The following FASTKD3 variants were observed in gnomAD, a reference collection of about 807,000 sequenced individuals.
FASTKD3 encodes FAST kinase domain-containing protein 3, mitochondrial.
Under a neutral mutation model 49.7 loss-of-function variants are expected in FASTKD3, and 47 were observed. The observed-to-expected ratio is 0.95, with a 90% CI of 0.75 to 1.21. FASTKD3 has a LOEUF of 1.21. FASTKD3 is among the 50% of genes most tolerant of loss of function. The pLI is 0.00. For synonymous variants in FASTKD3, 284 were observed against 288.6 expected (o/e 0.98, Z 0.16); for missense variants, 748 against 765.7 (o/e 0.98, Z 0.27).
rs1452267426 is a variant in FASTKD3, at chr5:7,867,001, C to T, written c.1083G>A (p.Ala361=). The T allele has an allele frequency of 3.7e-6, 6 of 1,613,998 alleles. No individual in the cohort carries two copies. The highest frequency in any genetic ancestry group is 3.3e-5 in the Admixed American group (2 of 60,010). ...FTKALEHRVA[A]VCLTLDPEVV... Reference sequence around the variant, plus strand: ...CTTCAGGATCCAACGTGAGGCACACCGCAGCTACACGATGCTCTAGGGCTT... The same window carrying T: ...CTTCAGGATCCAACGTGAGGCACACTGCAGCTACACGATGCTCTAGGGCTT... The change falls in exon 2 of 7, where the codon GCG becomes GCA. Residue 361 remains alanine, a synonymous_variant. Transcript: ENST00000264669.
intron 6 of FASTKD3, among the ~76,000 whole-genome samples, chr5:7,860,308 G>A (rs1043979385): frequency 6.6e-6 from 1 of 152,176 alleles, no homozygotes; most frequent in Non-Finnish European, 1.5e-5. Context: ...CTCACGCACT[G>A]CTGAGCCCTC....
At chr5:7,860,123 TTTTAC>T (rs1261232575) in intron 6 of FASTKD3, among the ~76,000 whole-genome samples, 2 of 152,126 alleles carry the variant, frequency 1.3e-5, no homozygotes, top group Admixed American at 1.3e-4. Flanking sequence ...GTAGAGAAGT[TTTTAC>T]TTTATTCTGT....
At chr5:7,860,889 T>C (rs1247450536) in intron 6 of FASTKD3, among the ~76,000 whole-genome samples, 4 of 152,212 alleles carry the variant, frequency 2.6e-5, no homozygotes, top group Non-Finnish European at 4.4e-5. Flanking sequence ...TTCCACAGAA[T>C]AGTTCAAACA....
In FASTKD3 at chr5:7,862,807, T is replaced by G; in HGVS notation, c.1699+16A>C. ...ATGCTTAGGTTTAAAACAACAAAAC[T>G]CCTTATACTACTTACCTATTGTATA... On this transcript the variant is annotated intron_variant, in intron 4 of 6. Coordinates refer to ENST00000264669, the MANE Select transcript of FASTKD3 (RefSeq NM_024091.4). 3 of 1,595,598 alleles carry G rather than the reference T, an allele frequency of 1.9e-6. No individual in the cohort carries two copies. The highest frequency in any genetic ancestry group is 2.6e-6 in the Non-Finnish European group (3 of 1,169,936).
At chr5:7,859,564 G>T in intron 6 of FASTKD3, 25 bp from the exon 7 acceptor site, 1 of 1,442,032 alleles carries the variant, frequency 6.9e-7, no homozygotes, top group Non-Finnish European at 9.6e-7. Context: ...AAGTAAAACT[G>T]GTCAAGATCC....
chr5:7,860,080 G>A (rs531117211), intron 6 of FASTKD3, among the ~76,000 whole-genome samples: 31 of 152,162 alleles, frequency 2.0e-4, no homozygotes, highest in Non-Finnish European at 4.4e-4. Flanking sequence ...CCTGGCTGCA[G>A]GCCAACCATT....
rs1747176029 is a variant in FASTKD3 at position 7,868,157 on chromosome 5, T to C, written c.-74A>G. On this transcript the variant is annotated 5_prime_UTR_variant, in exon 2 of 7. Transcript: ENST00000264669. ...ATGGTTAAATACATTGAGAACATGATTGACCCAACATCAATGTTTATGAAA... is the reference window on the plus strand; with the variant it reads ...ATGGTTAAATACATTGAGAACATGACTGACCCAACATCAATGTTTATGAAA... 10 of 844,124 alleles carry C rather than the reference T, an allele frequency of 1.2e-5. No individual in the cohort carries two copies. The highest frequency in any genetic ancestry group is 1.7e-5 in the Non-Finnish European group (10 of 571,586). The allele number at this position is 844,124 out of a possible 1,614,324, so 52.3% of individuals were successfully genotyped here. A position where few individuals can be genotyped will look rare whatever the true frequency, so the allele number is the denominator to read the frequency against.
Position 7,859,389 on chromosome 5 carries a change from CATAAAAAT to C in FASTKD3, c.*38_*45del. On this transcript the variant is annotated 3_prime_UTR_variant, in exon 7 of 7. Transcript: ENST00000264669. ...ATATTTTTCTTTTAATACTGAGTTC[CATAAAAAT>C]GCAAGTTCTTCCATTGTTTGAGTTC... The C allele has an allele frequency of 1.6e-6, 2 of 1,238,596 alleles. No homozygotes were observed. Among genetic ancestry groups the C allele is most frequent in the Non-Finnish European group, 1.2e-6 (1 of 865,230 alleles). The allele number at this position is 1,238,596 out of a possible 1,614,324, so 76.7% of individuals were successfully genotyped here.
intron 3 of FASTKD3, among the ~76,000 whole-genome samples, chr5:7,865,052 C>G (rs909767960): frequency 6.6e-6 from 1 of 151,984 alleles, no homozygotes; most frequent in African/African-American, 2.4e-5. Context: ...ATGCACTGGC[C>G]TCGAGGGATG....
chr5:7,863,155 T>G, intron 3 of FASTKD3, 158 bp from the exon 4 acceptor site: 1 of 659,688 alleles, frequency 1.5e-6, no homozygotes, highest in East Asian at 2.7e-5. Context: ...AAAATGATAA[T>G]GCAAACTTCT....
chr5:7,869,014 G>C lies in FASTKD3; in HGVS notation c.-149C>G. On this transcript the variant is annotated 5_prime_UTR_variant, in exon 1 of 7. Coordinates refer to ENST00000264669, the MANE Select transcript of FASTKD3 (RefSeq NM_024091.4). The stretch of plus-strand genomic sequence containing the variant: ...CGGGCAATCACTCCGGGTGGTCGCG[G>C]AAGCGCCTGGGCGTCGTGGGCCTCC... 8.2e-7 allele frequency: 1 copy of C among 1,226,746 alleles called. No individual in the cohort carries two copies. The highest frequency in any genetic ancestry group is 2.3e-5 in the East Asian group (1 of 42,926). The allele number at this position is 1,226,746 out of a possible 1,614,324, so 76.0% of individuals were successfully genotyped here.
chr5:7,865,337 A>C (rs1412667150), intron 3 of FASTKD3, among the ~76,000 whole-genome samples: 3 of 152,144 alleles, frequency 2.0e-5, no homozygotes, highest in Non-Finnish European at 2.9e-5. Context: ...TATGATTCAG[A>C]GTCAAGTAGA....
chr5:7,867,333 ATGT>A lies in FASTKD3; in HGVS notation c.748_750del (p.Thr250del). 1.9e-6 allele frequency: 3 copies of A among 1,614,036 alleles called. No individual in the cohort carries two copies. The highest frequency in any genetic ancestry group is 2.5e-6 in the Non-Finnish European group (3 of 1,180,024). On this transcript the variant is annotated inframe_deletion, in exon 2 of 7. Coordinates refer to ENST00000264669, the MANE Select transcript of FASTKD3 (RefSeq NM_024091.4). The stretch of plus-strand genomic sequence containing the variant: ...AGGGCCACAATATCCTCCGGGGTAA[ATGT>A]TTCCAATTTTTCACCTTGAAGTTGA...
intron 4 of FASTKD3, among the ~76,000 whole-genome samples, chr5:7,862,268 T>C (rs11134265): frequency 0.53 from 81,224 of 151,938 alleles, 23,606 homozygotes; most frequent in Middle Eastern, 0.66. Context: ...TGGAGTCTCT[T>C]GTCAGTGCTG....
Position 7,864,945 on chromosome 5 carries a change from G to A in FASTKD3, c.1524+953C>T, listed in dbSNP as rs1443972108. Among the ~76,000 whole-genome samples the A allele has an allele frequency of 2.6e-5, 4 of 152,034 alleles. No individual in the cohort carries two copies. The East Asian group carries it at 5.8e-4, about 22-fold the overall frequency. The stretch of plus-strand genomic sequence containing the variant: ...CAAGAATGTTTATTATAGCATTCCC[G>A]ATAGAGACAAAAGTTGCAAAAACCT... On this transcript the variant is annotated intron_variant, in intron 3 of 6. Transcript: ENST00000264669.
At position 7,867,832 on chromosome 5, in the gene FASTKD3, T is replaced by C. The variant is rs1012411193; in HGVS notation, c.252A>G (p.Val84=). 5.0e-6 allele frequency: 8 copies of C among 1,614,080 alleles called. No individual in the cohort carries two copies. In the African/African-American group the frequency reaches 9.3e-5, roughly 19 times the overall value. ...TTTGTTCAAGCCTGTCGCAGTCAGATACTTGAGAGAACACTGGTCCACCGA... is the reference window on the plus strand; with the variant it reads ...TTTGTTCAAGCCTGTCGCAGTCAGACACTTGAGAGAACACTGGTCCACCGA... ...HPLGGPVFSQ[V]SDCDRLEQNV... Residue 84 remains valine (V), a synonymous_variant, in exon 2 of 7, where the codon GTA becomes GTG. Transcript: ENST00000264669.
At chr5:7,863,243 G>A (rs953855345) in intron 3 of FASTKD3, 17 of 444,208 alleles carry the variant, frequency 3.8e-5, no homozygotes, top group Non-Finnish European at 6.8e-5. Context: ...ACCATAAACA[G>A]AAAGAAAAGT....
At position 7,862,950 on chromosome 5, in the gene FASTKD3, T is replaced by C. The variant is rs912224398; in HGVS notation, c.1572A>G (p.Pro524=). The C allele has an allele frequency of 6.9e-5, 112 of 1,613,910 alleles. No homozygotes were observed. The highest frequency in any genetic ancestry group is 9.3e-5 in the Non-Finnish European group (110 of 1,179,950). ...CCACAGGGGTCTCCAGGGAACAGCA[T>C]GGGGTAAGAAATGACTTCACTTGAT... The part of the protein sequence containing the change: ...PKYQVKSFLT[P]CCSLETPVDS... The change falls in exon 4 of 7, where the codon CCA becomes CCG. Residue 524 remains proline (P), a synonymous_variant. Coordinates refer to ENST00000264669, the MANE Select transcript of FASTKD3 (RefSeq NM_024091.4).
chr5:7,868,699 A>G (rs1337978376), intron 1 of FASTKD3, among the ~76,000 whole-genome samples: 4 of 152,348 alleles, frequency 2.6e-5, no homozygotes, highest in African/African-American at 9.6e-5. Context: ...AGAAAAAGCA[A>G]AACATAGATC....
Sources: gnomAD v4.1 joint callset for allele counts (sites outside exome capture counted in the v4.1 genomes callset) on GRCh38, gnomAD v4.1.1 for gene constraint, MANE v1.5 for transcripts, NCBI Gene and HGNC (gene_info 2026-07-23, HGNC 2026-07-21) for gene names.